Variants in AKT3 observed in about 807,000 individuals in gnomAD.
AKT3 encodes RAC-gamma serine/threonine-protein kinase.
Under a neutral mutation model 65.3 loss-of-function variants are expected in AKT3, and 15 were observed. The ratio of observed to expected loss-of-function variants is 0.23; its 90% CI spans 0.15 to 0.35. The LOEUF (loss-of-function observed/expected upper bound fraction) is 0.35. Among genes scored for constraint, AKT3 ranks in the 10% least tolerant of loss-of-function variants. The pLI is 1.00. For synonymous variants in AKT3, 206 were observed against 183.8 expected (o/e 1.12, Z -0.98); for missense variants, 243 against 576.5 (o/e 0.42, Z 5.92).
chr1:243,665,862 G>A (rs1488560808), intron 3 of AKT3, among the ~76,000 whole-genome samples: 1 of 152,000 alleles, frequency 6.6e-6, no homozygotes, highest in Non-Finnish European at 1.5e-5. Flanking sequence ...CTGCTCTTTT[G>A]GAAGAAACTA....
chr1:243,747,464 A>T (rs1389204539), intron 2 of AKT3, among the ~76,000 whole-genome samples: 1 of 152,212 alleles, frequency 6.6e-6, no homozygotes, highest in African/African-American at 2.4e-5. Flanking sequence ...ATTTGGGGAA[A>T]GTAAAATTAC....
rs575292368 is a variant in AKT3, at chr1:243,825,976, A to C, written c.46+17149T>G. 2.6e-5 allele frequency among the ~76,000 whole-genome samples: 4 copies of C among 152,248 alleles called. No individual in the cohort carries two copies. The East Asian group carries it at 7.7e-4, about 29-fold the overall frequency. On this transcript the variant is annotated intron_variant, in intron 2 of 13. Transcript: ENST00000673466. Reference sequence around the variant, plus strand: ...GCGAAACCCCATCTCTACTAAAAATACAAAAATTAGCCAGGTGTTGTAGCA... The same window carrying C: ...GCGAAACCCCATCTCTACTAAAAATCCAAAAATTAGCCAGGTGTTGTAGCA...
chr1:243,672,971 A>G (rs1683250920), intron 3 of AKT3, among the ~76,000 whole-genome samples: 2 of 152,258 alleles, frequency 1.3e-5, no homozygotes, highest in South Asian at 4.1e-4. Context: ...TAAAAATGAC[A>G]TAAGGCATTT....
At chr1:243,537,591 C>T (rs1158926559) in intron 12 of AKT3, among the ~76,000 whole-genome samples, 2 of 152,198 alleles carry the variant, frequency 1.3e-5, no homozygotes, top group African/African-American at 2.4e-5. Flanking sequence ...GCAGTAGTCT[C>T]TTAATGAGAT....
chr1:243,578,204 C>A (rs1675085377), intron 8 of AKT3, among the ~76,000 whole-genome samples: 1 of 152,082 alleles, frequency 6.6e-6, no homozygotes, highest in Non-Finnish European at 1.5e-5. Context: ...CAAAGGAATA[C>A]AAATCATTCT....
chr1:243,840,395 A>G (rs1430189939), intron 2 of AKT3, among the ~76,000 whole-genome samples: 1 of 151,894 alleles, frequency 6.6e-6, no homozygotes, highest in Non-Finnish European at 1.5e-5. Flanking sequence ...GACCTAATGC[A>G]TGGGGGGCTT....
At chr1:243,826,757 T>C (rs540225951) in intron 2 of AKT3, among the ~76,000 whole-genome samples, 60 of 152,342 alleles carry the variant, frequency 3.9e-4, no homozygotes, top group African/African-American at 1.4e-3. Context: ...ATGTCCTTTT[T>C]TGTTGTTACT....
chr1:243,729,799 A>G lies in AKT3; in HGVS notation c.47-34083T>C, dbSNP rs1043063460. ...TAGTAATATCTCTGGACAATAAATG[A>G]TAGATTACAGTGTTCTTCTTTATGT... is the stretch of plus-strand genomic sequence containing the variant. On this transcript the variant is annotated intron_variant, in intron 2 of 13. Transcript: ENST00000673466. Among the ~76,000 whole-genome samples, 10 of 152,354 alleles carry G rather than the reference A, an allele frequency of 6.6e-5. No individual in the cohort carries two copies. In the East Asian group the frequency reaches 1.7e-3, roughly 26 times the overall value.
chr1:243,682,421 GTATT>G (rs1390889313), intron 3 of AKT3, among the ~76,000 whole-genome samples: 3 of 152,116 alleles, frequency 2.0e-5, no homozygotes, highest in African/African-American at 7.2e-5. Context: ...TTAAAATGGA[GTATT>G]TATTTGTCAG....
intron 11 of AKT3, among the ~76,000 whole-genome samples, chr1:243,548,821 GAAATA>G (rs1239879584): frequency 1.4e-4 from 22 of 152,092 alleles, no homozygotes; most frequent in African/African-American, 5.1e-4. Context: ...TGGAGACTAA[GAAATA>G]AAAGCAAAAT....
At chr1:243,795,901 C>G (rs1345019408) in intron 2 of AKT3, among the ~76,000 whole-genome samples, 1 of 152,112 alleles carries the variant, frequency 6.6e-6, no homozygotes, top group Non-Finnish European at 1.5e-5. Flanking sequence ...AGGGACTCAC[C>G]CATCCACAAG....
Position 243,552,886 on chromosome 1 carries a change from T to C in AKT3, c.1006A>G (p.Met336Val), listed in dbSNP as rs763403101. ...AACCTCCCACACATCATTTCATACA[T>C]GACAACCCCTAGGCCCCACCAGTCT... ...AVDWWGLGVV[M>V]YEMMCGRLPF... Residue 336 changes from methionine (M) to valine (V), a missense_variant, in exon 11 of 14, where the codon ATG becomes GTG. Physicochemically the swap from Met to Val is conservative, Grantham distance 21. Around this residue, in one of 6 missense-constraint regions of AKT3, gnomAD observed 20 missense variants for 68.4 expected, o/e 0.29. Coordinates refer to ENST00000673466, the MANE Select transcript of AKT3 (RefSeq NM_005465.7). 16 of 1,614,006 alleles carry C rather than the reference T, an allele frequency of 9.9e-6. No individual in the cohort carries two copies. The East Asian group carries it at 1.3e-4, about 13-fold the overall frequency.
chr1:243,544,345 T>TG (rs1185080084), intron 12 of AKT3, among the ~76,000 whole-genome samples: 2 of 149,614 alleles, frequency 1.3e-5, no homozygotes, highest in African/African-American at 4.9e-5. Flanking sequence ...ACAAGAAGGG[T>TG]GGGTGCAGTG....
intron 4 of AKT3, among the ~76,000 whole-genome samples, chr1:243,660,245 T>C (rs866884338): frequency 1.3e-5 from 2 of 152,118 alleles, no homozygotes; most frequent in African/African-American, 2.4e-5. Flanking sequence ...CCATTTCTTC[T>C]AGATTTTCTA....
intron 2 of AKT3, among the ~76,000 whole-genome samples, chr1:243,804,746 C>T (rs1692619612): frequency 6.6e-6 from 1 of 151,698 alleles, no homozygotes; most frequent in Non-Finnish European, 1.5e-5. Flanking sequence ...ACTCAGGAGG[C>T]TGAGGCAGGA....
At chr1:243,727,522 C>T (rs1222488618) in intron 2 of AKT3, among the ~76,000 whole-genome samples, 2 of 152,050 alleles carry the variant, frequency 1.3e-5, no homozygotes, top group African/African-American at 4.8e-5. Flanking sequence ...CTCAAATGAT[C>T]CTCCCACCTC....
At chr1:243,813,508 T>G (rs1415960272) in intron 2 of AKT3, among the ~76,000 whole-genome samples, 1 of 142,750 alleles carries the variant, frequency 7.0e-6, no homozygotes, top group Non-Finnish European at 1.5e-5. Context: ...AGAAAAAAAG[T>G]ACATAATAAA....
At chr1:243,693,041 T>C (rs1184222875) in intron 3 of AKT3, among the ~76,000 whole-genome samples, 2 of 151,158 alleles carry the variant, frequency 1.3e-5, no homozygotes, top group Non-Finnish European at 2.9e-5. Flanking sequence ...AAAATTTAAA[T>C]CAGGAGGGAA....
intron 1 of AKT3, among the ~76,000 whole-genome samples, chr1:243,843,793 A>T (rs989924009): frequency 4.6e-5 from 7 of 151,810 alleles, no homozygotes; most frequent in Non-Finnish European, 7.4e-5. Context: ...CTGGGACTAC[A>T]GGTGTGCGCC....
Sources: allele counts gnomAD v4.1 joint callset (sites outside exome capture counted in the v4.1 genomes callset), GRCh38; gene constraint gnomAD v4.1.1; regional missense constraint gnomAD v4.1.1; transcripts MANE v1.5; gene names NCBI Gene and HGNC (gene_info 2026-07-23, HGNC 2026-07-21).